Variants in DNAH3 observed in about 807,000 individuals in gnomAD.
DNAH3 encodes the protein axonemal beta dynein heavy chain 3.
Under a neutral mutation model 432.5 loss-of-function variants are expected in DNAH3, and 332 were observed. The observed-to-expected ratio is 0.77, with a 90% CI of 0.70 to 0.84. The LOEUF is 0.84. Ranked by LOEUF, DNAH3 falls within the 40% of genes least tolerant of loss-of-function variation. The probability of loss-of-function intolerance (pLI) is 0.00; values close to 1 mark genes in which losing one functional copy is unlikely to be tolerated. For missense variants in DNAH3, 4,861 were observed against 5,114.0 expected, an observed-to-expected ratio of 0.95 and a Z score of 1.51; for synonymous variants, 1,956 against 1,900.2, an observed-to-expected ratio of 1.03 and a Z score of -0.76.
At chr16:20,957,927 C>G (rs943584562) in intron 54 of DNAH3, among the ~76,000 whole-genome samples, 1 of 139,716 alleles carries the variant, frequency 7.2e-6, no homozygotes, top group African/African-American at 2.7e-5. Flanking sequence ...AATGCAAAAA[C>G]TGAGGTTTAG....
chr16:21,057,320 G>A (rs2090169856), intron 27 of DNAH3, among the ~76,000 whole-genome samples: 1 of 152,156 alleles, frequency 6.6e-6, no homozygotes, highest in African/African-American at 2.4e-5. Flanking sequence ...CTCTGTGCTG[G>A]GCACTGTATT....
At chr16:21,147,447 C>T (rs1011301582) in intron 1 of DNAH3, among the ~76,000 whole-genome samples, 4 of 152,122 alleles carry the variant, frequency 2.6e-5, no homozygotes, top group Admixed American at 1.3e-4. Context: ...AACTCCTGAC[C>T]TCAGGTGATC....
At chr16:21,066,364 CCTT>C (rs1056829976) in intron 24 of DNAH3, among the ~76,000 whole-genome samples, 9 of 151,730 alleles carry the variant, frequency 5.9e-5, no homozygotes, top group Admixed American at 3.9e-4. Context: ...CCGAAACTAA[CCTT>C]CTCCTTTTTT....
At chr16:21,071,436 A>G (rs1218300357) in intron 21 of DNAH3, among the ~76,000 whole-genome samples, 1 of 151,850 alleles carries the variant, frequency 6.6e-6, no homozygotes, top group East Asian at 1.9e-4. Flanking sequence ...AGCCTCCCAA[A>G]GTGTTGGGAT....
At chr16:21,145,079 T>G in intron 3 of DNAH3, 102 bp downstream of exon 4, 1 of 1,067,982 alleles carries the variant, frequency 9.4e-7, no homozygotes, top group South Asian at 1.5e-5. Flanking sequence ...GCCATGGCAC[T>G]CCAGCCTGGG....
chr16:21,001,174 A>G (rs1318830825), intron 42 of DNAH3, among the ~76,000 whole-genome samples: 1 of 151,988 alleles, frequency 6.6e-6, no homozygotes, highest in African/African-American at 2.4e-5. Flanking sequence ...ATTAATACAC[A>G]CTTTTCCTGG....
intron 52 of DNAH3, among the ~76,000 whole-genome samples, chr16:20,966,996 C>T (rs2085094073): frequency 2.0e-5 from 3 of 152,168 alleles, no homozygotes; most frequent in Admixed American, 1.3e-4. Flanking sequence ...TCTGTTGACA[C>T]ATTGGAAAAA....
rs776057602 is a variant in DNAH3, at chr16:21,117,312, T to A, written c.1705A>T (p.Lys569Ter). 6.2e-7 allele frequency: 1 copy of A among 1,607,112 alleles called. No individual in the cohort carries two copies. Among genetic ancestry groups the A allele is most frequent in the Non-Finnish European group, 8.5e-7 (1 of 1,175,860 alleles). The change falls in exon 12 of 62, where the codon AAA (lysine) becomes TAA (stop). Residue 569 changes from lysine to a stop codon, truncating the protein, a stop_gained. Coordinates refer to ENST00000261383, the Ensembl canonical transcript of DNAH3. LOFTEE classifies it high-confidence loss of function. The stretch of plus-strand genomic sequence containing the variant: ...GTTCCAAGGAGCAGATTATATCCTT[T>A]CAGCTCTGGGAACAGGACAGATTCC...
intron 37 of DNAH3, among the ~76,000 whole-genome samples, chr16:21,028,327 A>C (rs2088679283): frequency 1.3e-5 from 2 of 152,156 alleles, no homozygotes; most frequent in South Asian, 4.2e-4. Flanking sequence ...CACAAGCATA[A>C]GCCACCGTGC....
chr16:21,049,881 G>A (rs1173648381), intron 30 of DNAH3, 29 bp downstream of exon 30: 1 of 1,569,240 alleles, frequency 6.4e-7, no homozygotes, highest in Admixed American at 1.7e-5. Context: ...GCCTGGAAGA[G>A]AGGGAGGGGA....
intron 1 of DNAH3, 88 bp from the exon 3 acceptor site, chr16:21,146,176 G>C (rs975481619): frequency 1.2e-6 from 1 of 838,006 alleles, no homozygotes; most frequent in African/African-American, 1.7e-5. Context: ...AGGTCCCCAG[G>C]AAAAGTTTTA....
intron 1 of DNAH3, among the ~76,000 whole-genome samples, chr16:21,148,095 T>G (rs2092807968): frequency 6.6e-6 from 1 of 152,184 alleles, no homozygotes; most frequent in African/African-American, 2.4e-5. Context: ...GTGCAAATTA[T>G]GACATGCAAG....
chr16:20,954,491 T>C (rs2032999793), intron 55 of DNAH3, among the ~76,000 whole-genome samples: 1 of 151,846 alleles, frequency 6.6e-6, no homozygotes, highest in Admixed American at 6.6e-5. Flanking sequence ...GGTTTTACCA[T>C]GTTACCCAGG....
At chr16:20,981,526 T>A (rs1033748487) in intron 49 of DNAH3, among the ~76,000 whole-genome samples, 3 of 151,566 alleles carry the variant, frequency 2.0e-5, no homozygotes, top group African/African-American at 7.3e-5. Flanking sequence ...TTAAGGTCAG[T>A]TGAGCCTGGC....
chr16:21,141,341 T>A (rs753409831), exon 4 of DNAH3: 3 of 1,592,388 alleles, frequency 1.9e-6, no homozygotes, highest in East Asian at 2.3e-5. Flanking sequence ...ACTTCGTTTT[T>A]TTCCTCATGG....
At chr16:21,012,077 T>C (rs574138348) in intron 41 of DNAH3, among the ~76,000 whole-genome samples, 1 of 152,254 alleles carries the variant, frequency 6.6e-6, no homozygotes, top group South Asian at 2.1e-4. Flanking sequence ...TTTCCCATCC[T>C]TGCACTAACA....
chr16:21,058,163 C>T, exon 27 of DNAH3: 3 of 1,613,876 alleles, frequency 1.9e-6, no homozygotes, highest in Non-Finnish European at 2.5e-6. Context: ...ACCACCTGTC[C>T]AGGCCACTGT....
intron 28 of DNAH3, among the ~76,000 whole-genome samples, chr16:21,053,741 G>T (rs1257907500): frequency 6.6e-6 from 1 of 152,140 alleles, no homozygotes; most frequent in African/African-American, 2.4e-5. Flanking sequence ...CTGTTCCCAA[G>T]CAACCAGCCT....
At chr16:21,058,193 G>C in exon 27 of DNAH3, 1 of 1,603,332 alleles carries the variant, frequency 6.2e-7, no homozygotes, top group East Asian at 2.2e-5. Flanking sequence ...TGATTTCGAG[G>C]GACCTGGAAA....
Sources: allele counts gnomAD v4.1 joint callset (sites outside exome capture counted in the v4.1 genomes callset), GRCh38; gene constraint gnomAD v4.1.1; transcripts MANE v1.5; gene names NCBI Gene and HGNC (gene_info 2026-07-23, HGNC 2026-07-21).